SHISA9: variants seen among roughly 807,000 people sequenced by gnomAD.
The protein encoded by SHISA9 is protein shisa-9.
In SHISA9, 13 loss-of-function variants were observed where a neutral mutation model predicts 38.0. The ratio of observed to expected loss-of-function variants is 0.34; its 90% CI spans 0.22 to 0.54. The LOEUF is 0.54. Among genes scored for constraint, SHISA9 ranks in the 20% least tolerant of loss-of-function variants. The probability of loss-of-function intolerance (pLI) is 0.91; values close to 1 mark genes in which losing one functional copy is unlikely to be tolerated. For missense variants in SHISA9, 538 were observed against 575.8 expected (o/e 0.93, Z 0.67); for synonymous variants, 275 against 242.0 (o/e 1.14, Z -1.27).
Position 13,015,903 on chromosome 16 carries a change from T to TTTCTTTCTTTCTTTCC in SHISA9, c.691+99094_691+99095insCTTTCTTTCCTTCTTT, listed in dbSNP as rs2072746360. ...CTTTCTTTCTTTCTTTCTTTCTTTC[T>TTTCTTTCTTTCTTTCC]TTCTTTTCTTTCTTTCTCCTTCCTT... On this transcript the variant is annotated intron_variant, in intron 2 of 4. Transcript: ENST00000558583. 6.0e-5 allele frequency among the ~76,000 whole-genome samples: 7 copies of TTTCTTTCTTTCTTTCC among 116,244 alleles called. No homozygotes were observed. The Admixed American group carries it at 6.5e-4, about 11-fold the overall frequency. The allele number at this position is 116,244 out of a possible 152,430, so 76.3% of individuals were successfully genotyped here.
intron 2 of SHISA9, among the ~76,000 whole-genome samples, chr16:12,992,515 G>C (rs2141833766): frequency 6.6e-6 from 1 of 152,168 alleles, no homozygotes; most frequent in African/African-American, 2.4e-5. Flanking sequence ...CTGGGCGACA[G>C]AGTAAGACTC....
At chr16:13,471,067 T>C in the SHISA9 span, among the ~76,000 whole-genome samples, 1 of 152,002 alleles carries the variant, frequency 6.6e-6, no homozygotes, top group Non-Finnish European at 1.5e-5. Flanking sequence ...TAAAGATCCA[T>C]CTAGAATGCA....
intron 2 of SHISA9, among the ~76,000 whole-genome samples, chr16:13,105,527 T>A (rs1057113193): frequency 1.3e-5 from 2 of 152,212 alleles, no homozygotes; most frequent in Non-Finnish European, 2.9e-5. Context: ...GATGTCCCCA[T>A]GGGGCTTCCC....
the SHISA9 span, among the ~76,000 whole-genome samples, chr16:13,523,619 G>A: frequency 6.6e-6 from 1 of 152,172 alleles, no homozygotes; most frequent in Non-Finnish European, 1.5e-5. Flanking sequence ...AAACAAGAGC[G>A]ATGGGGGAGG....
the SHISA9 span, among the ~76,000 whole-genome samples, chr16:13,332,819 C>T: frequency 6.6e-6 from 1 of 152,180 alleles, no homozygotes; most frequent in South Asian, 2.1e-4. Context: ...AGTATATGCG[C>T]ACTCTGTCCT....
intron 2 of SHISA9, among the ~76,000 whole-genome samples, chr16:13,070,142 GTGTGTGTGTGTGCA>G (rs1057484607): frequency 6.6e-6 from 1 of 151,900 alleles, no homozygotes; most frequent in African/African-American, 2.4e-5. Context: ...GTGTGTGTGT[GTGTGTGTGTGTGCA>G]CGCATGTGTC....
chr16:13,394,318 G>A, the SHISA9 span, among the ~76,000 whole-genome samples: 1 of 152,196 alleles, frequency 6.6e-6, no homozygotes, highest in Non-Finnish European at 1.5e-5. Context: ...ACAGAGGCCA[G>A]TGAGTTTGAG....
chr16:13,474,806 A>G, the SHISA9 span, among the ~76,000 whole-genome samples: 63 of 152,324 alleles, frequency 4.1e-4, no homozygotes, highest in African/African-American at 1.4e-3. Flanking sequence ...AGGGCATTTC[A>G]GGCAGGGGTT....
intron 2 of SHISA9, among the ~76,000 whole-genome samples, chr16:12,987,152 G>A (rs1026780022): frequency 1.3e-5 from 2 of 152,182 alleles, no homozygotes; most frequent in African/African-American, 4.8e-5. Flanking sequence ...AAGTCTTGAT[G>A]GGGCTAAAGA....
the SHISA9 span, among the ~76,000 whole-genome samples, chr16:13,561,502 T>C: frequency 1.3e-5 from 2 of 152,226 alleles, no homozygotes; most frequent in Non-Finnish European, 2.9e-5. Context: ...GTTCCGTTGA[T>C]AGCTGTCAGG....
the SHISA9 span, among the ~76,000 whole-genome samples, chr16:13,434,336 C>T: frequency 6.6e-6 from 1 of 151,770 alleles, no homozygotes; most frequent in Admixed American, 6.6e-5. Context: ...CTTGCAGATG[C>T]ACCCAGGAAC....
At chr16:12,908,761 C>T in intron 1 of SHISA9, 2 of 1,398,832 alleles carry the variant, frequency 1.4e-6, no homozygotes, top group East Asian at 2.7e-5. Context: ...TCGGCCCCGG[C>T]AGGCCCAGAC....
At chr16:13,213,426 C>A in intron 4 of SHISA9, 126 bp downstream of exon 4, 2 of 816,450 alleles carry the variant, frequency 2.4e-6, no homozygotes, top group Non-Finnish European at 3.9e-6. Flanking sequence ...AGGGTGGCAT[C>A]TGCAAGTCCG....
chr16:13,157,751 G>A (rs2050559859), intron 2 of SHISA9, among the ~76,000 whole-genome samples: 1 of 152,138 alleles, frequency 6.6e-6, no homozygotes, highest in South Asian at 2.1e-4. Context: ...CTGTTCCCAA[G>A]GAGGGAGACA....
chr16:13,368,304 G>A, the SHISA9 span, among the ~76,000 whole-genome samples: 4 of 152,110 alleles, frequency 2.6e-5, no homozygotes, highest in African/African-American at 9.7e-5. Context: ...AGGAATTTTG[G>A]TAGCACAGGT....
the SHISA9 span, among the ~76,000 whole-genome samples, chr16:13,245,520 G>C: frequency 6.6e-6 from 1 of 152,190 alleles, no homozygotes; most frequent in Non-Finnish European, 1.5e-5. Flanking sequence ...TTAACACCTA[G>C]TAAACATTTC....
chr16:13,201,091 C>G (rs1388511740), intron 2 of SHISA9, among the ~76,000 whole-genome samples: 1 of 134,968 alleles, frequency 7.4e-6, no homozygotes, highest in Admixed American at 7.3e-5. Context: ...AAATGGGGCT[C>G]CAAGTAAAGT....
At chr16:13,467,329 A>G in the SHISA9 span, among the ~76,000 whole-genome samples, 1 of 152,184 alleles carries the variant, frequency 6.6e-6, no homozygotes, top group African/African-American at 2.4e-5. Context: ...CCACTCCCCC[A>G]GAGCAGAACA....
At chr16:13,538,411 T>C in the SHISA9 span, among the ~76,000 whole-genome samples, 2 of 152,210 alleles carry the variant, frequency 1.3e-5, no homozygotes, top group African/African-American at 4.8e-5. Flanking sequence ...ACACTTGAAG[T>C]AGACAATCTC....
Sources: allele counts gnomAD v4.1 joint callset (sites outside exome capture counted in the v4.1 genomes callset), GRCh38; gene constraint gnomAD v4.1.1; transcripts MANE v1.5; gene names NCBI Gene and HGNC (gene_info 2026-07-23, HGNC 2026-07-21).